CTNNBL1: variants seen among roughly 807,000 people sequenced by gnomAD.
The protein encoded by CTNNBL1 is catenin beta like 1.
CTNNBL1 carries 31 observed loss-of-function variants against 72.7 expected under a neutral mutation model. That is an observed-to-expected ratio of 0.43 (90% CI 0.32 to 0.58). CTNNBL1 has a LOEUF of 0.58. CTNNBL1 is among the 20% of genes least tolerant of loss of function. The probability of loss-of-function intolerance (pLI) is 0.08; values close to 1 mark genes in which losing one functional copy is unlikely to be tolerated. For synonymous variants in CTNNBL1, 240 were observed against 267.3 expected (o/e 0.90, Z 1.00); for missense variants, 534 against 725.1 (o/e 0.74, Z 3.03).
At chr20:37,731,550 C>T (rs2073128868) in intron 1 of CTNNBL1, among the ~76,000 whole-genome samples, 1 of 152,270 alleles carries the variant, frequency 6.6e-6, no homozygotes, top group Non-Finnish European at 1.5e-5. Flanking sequence ...GAAACTTATA[C>T]TCTTTAGTCA....
chr20:37,713,545 ACTGAGCATAG>A (rs1397205105), intron 1 of CTNNBL1, among the ~76,000 whole-genome samples: 1 of 152,210 alleles, frequency 6.6e-6, no homozygotes, highest in East Asian at 1.9e-4. Context: ...TGCTGAATGT[ACTGAGCATAG>A]CTTTTCTCAG....
intron 2 of CTNNBL1, among the ~76,000 whole-genome samples, chr20:37,734,222 A>G (rs2073153403): frequency 6.6e-6 from 1 of 152,252 alleles, no homozygotes; most frequent in Non-Finnish European, 1.5e-5. Flanking sequence ...TGTTGTGACA[A>G]TAGCTCTGTC....
At chr20:37,775,380 A>G (rs1240615477) in intron 7 of CTNNBL1, among the ~76,000 whole-genome samples, 6 of 152,164 alleles carry the variant, frequency 3.9e-5, no homozygotes, top group Non-Finnish European at 8.8e-5. Context: ...CAAAGATATG[A>G]TGTCACCAGA....
chr20:37,719,665 G>A (rs2073023105), intron 1 of CTNNBL1, among the ~76,000 whole-genome samples: 1 of 152,154 alleles, frequency 6.6e-6, no homozygotes, highest in Non-Finnish European at 1.5e-5. Context: ...TGGCTATCAA[G>A]TGGGATTTAT....
intron 10 of CTNNBL1, among the ~76,000 whole-genome samples, chr20:37,783,120 A>G (rs1460015178): frequency 6.6e-6 from 1 of 152,196 alleles, no homozygotes. Context: ...CATGTTGCCC[A>G]GGCTGATCTT....
At chr20:37,836,021 G>T (rs879748631) in intron 11 of CTNNBL1, among the ~76,000 whole-genome samples, 1 of 152,130 alleles carries the variant, frequency 6.6e-6, no homozygotes, top group Admixed American at 6.5e-5. Flanking sequence ...TCAAGTACAC[G>T]TTGTACCTTT....
intron 2 of CTNNBL1, among the ~76,000 whole-genome samples, chr20:37,736,600 GCA>G (rs1418821626): frequency 6.6e-6 from 1 of 152,076 alleles, no homozygotes; most frequent in Non-Finnish European, 1.5e-5. Flanking sequence ...GAGTGCAGCG[GCA>G]CAGTCTCGGC....
At chr20:37,738,895 A>T (rs1380437064) in intron 3 of CTNNBL1, among the ~76,000 whole-genome samples, 1 of 152,196 alleles carries the variant, frequency 6.6e-6, no homozygotes, top group Non-Finnish European at 1.5e-5. Context: ...TAGAGAGGCC[A>T]GCGTGGTCAA....
At chr20:37,790,902 T>C (rs2073719092) in intron 10 of CTNNBL1, among the ~76,000 whole-genome samples, 1 of 152,204 alleles carries the variant, frequency 6.6e-6, no homozygotes, top group African/African-American at 2.4e-5. Flanking sequence ...TTGTGCCCCT[T>C]TGTAATTCTC....
chr20:37,704,697 C>T (rs2072871073), intron 1 of CTNNBL1, among the ~76,000 whole-genome samples: 1 of 151,574 alleles, frequency 6.6e-6, no homozygotes, highest in African/African-American at 2.4e-5. Context: ...GATGACAGAG[C>T]TAGATCCTGT....
At chr20:37,794,967 C>A in intron 10 of CTNNBL1, among the ~76,000 whole-genome samples, 1 of 151,776 alleles carries the variant, frequency 6.6e-6, no homozygotes, top group Non-Finnish European at 1.5e-5. Context: ...ATATGTGTTA[C>A]TCTATTTGTA....
intron 1 of CTNNBL1, among the ~76,000 whole-genome samples, chr20:37,702,003 A>G (rs758111540): frequency 2.0e-5 from 3 of 152,180 alleles, no homozygotes; most frequent in African/African-American, 4.8e-5. Context: ...GTTGTTTTAC[A>G]GTGCTAACAG....
intron 13 of CTNNBL1, among the ~76,000 whole-genome samples, chr20:37,851,072 G>A (rs1048579139): frequency 1.3e-5 from 2 of 152,166 alleles, no homozygotes; most frequent in African/African-American, 4.8e-5. Context: ...TGAGTAAGTG[G>A]CTGGAAGAGG....
At chr20:37,794,875 G>GT (rs1009816421) in intron 10 of CTNNBL1, among the ~76,000 whole-genome samples, 19 of 151,928 alleles carry the variant, frequency 1.3e-4, no homozygotes, top group Non-Finnish European at 1.8e-4. Flanking sequence ...GAGTTTTTTT[G>GT]TTTTTTTCCT....
At chr20:37,766,694 T>A (rs530231638) in intron 6 of CTNNBL1, among the ~76,000 whole-genome samples, 1 of 152,086 alleles carries the variant, frequency 6.6e-6, no homozygotes, top group African/African-American at 2.4e-5. Flanking sequence ...ATTTGCAAAG[T>A]CATGAATGGG....
chr20:37,724,459 G>A (rs1354931493), intron 1 of CTNNBL1, among the ~76,000 whole-genome samples: 3 of 152,176 alleles, frequency 2.0e-5, no homozygotes, highest in African/African-American at 7.2e-5. Flanking sequence ...GAAGGAGAGT[G>A]TAAGTGGAAA....
At chr20:37,799,356 G>A (rs975669932) in intron 10 of CTNNBL1, among the ~76,000 whole-genome samples, 2 of 152,070 alleles carry the variant, frequency 1.3e-5, no homozygotes, top group Non-Finnish European at 2.9e-5. Flanking sequence ...GTTCCTCGCC[G>A]CCTCTCCTCA....
In CTNNBL1 at chr20:37,718,209, G is replaced by C. The variant is rs866437072; in HGVS notation, c.31-14670G>C. Among the ~76,000 whole-genome samples, 391 of 119,950 alleles carry C rather than the reference G, an allele frequency of 3.3e-3. 1 individual carries two copies. In the Middle Eastern group the frequency reaches 0.045, roughly 14 times the overall value. The allele number at this position is 119,950 out of a possible 152,430, so 78.7% of individuals were successfully genotyped here. ...CCGGGCAGAGGCGCCCCTCACCTCC[G>C]GGACGGGGCGGCTGGCCGGGCGGGG... On this transcript the variant is annotated intron_variant, in intron 1 of 15. Coordinates refer to ENST00000361383, the MANE Select transcript of CTNNBL1 (RefSeq NM_030877.5).
At chr20:37,840,981 G>T (rs561905384) in intron 12 of CTNNBL1, among the ~76,000 whole-genome samples, 1 of 152,322 alleles carries the variant, frequency 6.6e-6, no homozygotes, top group East Asian at 1.9e-4. Context: ...AGTGACATGA[G>T]ATTAGATGGA....
Sources: gnomAD v4.1 joint callset for allele counts (sites outside exome capture counted in the v4.1 genomes callset) on GRCh38, gnomAD v4.1.1 for gene constraint, MANE v1.5 for transcripts, NCBI Gene and HGNC (gene_info 2026-07-23, HGNC 2026-07-21) for gene names.